Variants in SYNJ2 observed in about 807,000 individuals in gnomAD.
SYNJ2 encodes synaptojanin 2.
SYNJ2 carries 116 observed loss-of-function variants against 141.3 expected under a neutral mutation model. The observed-to-expected ratio is 0.82, with a 90% CI of 0.71 to 0.96. The LOEUF (loss-of-function observed/expected upper bound fraction) is 0.96. Ranked by LOEUF, SYNJ2 falls within the 40% of genes least tolerant of loss-of-function variation. The pLI is 0.00. For synonymous variants in SYNJ2, 745 were observed against 777.7 expected (o/e 0.96, Z 0.70); for missense variants, 1,873 against 1,934.8 (o/e 0.97, Z 0.60).
chr6:158,077,971 T>C (rs3818457), intron 17 of SYNJ2, 193 bp from the exon 18 acceptor site: 258,950 of 501,368 alleles, frequency 0.52, 68,695 homozygotes, highest in African/African-American at 0.69. Flanking sequence ...TGAATAATTA[T>C]ATGCGAGGAA....
chr6:157,995,024 G>A (rs1169232560), intron 1 of SYNJ2, among the ~76,000 whole-genome samples: 2 of 152,172 alleles, frequency 1.3e-5, no homozygotes, highest in Non-Finnish European at 2.9e-5. Context: ...GCCCCAGACT[G>A]CCCATCCTGC....
At chr6:158,063,990 C>CCCCATAGTCAGAAGGT in intron 9 of SYNJ2, 118 bp downstream of exon 9, 5 of 1,039,820 alleles carry the variant, frequency 4.8e-6, no homozygotes, top group South Asian at 1.4e-5. Flanking sequence ...AGACAACCTT[C>CCCCATAGTCAGAAGGT]TGACTATGGG....
intron 5 of SYNJ2, among the ~76,000 whole-genome samples, chr6:158,051,233 C>T (rs942880828): frequency 3.3e-5 from 5 of 152,270 alleles, no homozygotes; most frequent in Middle Eastern, 3.4e-3. Context: ...ATCCTATAAA[C>T]AGCTGCTGCT....
At chr6:158,029,885 G>C (rs1779273297) in intron 3 of SYNJ2, among the ~76,000 whole-genome samples, 1 of 152,126 alleles carries the variant, frequency 6.6e-6, no homozygotes, top group African/African-American at 2.4e-5. Flanking sequence ...GAATAGTCGA[G>C]GGAATTTTGC....
chr6:158,039,057 G>A (rs987201043), intron 4 of SYNJ2, among the ~76,000 whole-genome samples: 1 of 152,238 alleles, frequency 6.6e-6, no homozygotes, highest in African/African-American at 2.4e-5. Flanking sequence ...GAGGCAGCAG[G>A]AGCAGAGATG....
At position 158,064,962 on chromosome 6, in the gene SYNJ2, G is replaced by T. The variant is rs1373584681; in HGVS notation, c.1496G>T (p.Gly499Val). 2 of 1,606,722 alleles carry T rather than the reference G, an allele frequency of 1.2e-6. No individual in the cohort carries two copies. The highest frequency in any genetic ancestry group is 2.2e-5 in the South Asian group (2 of 90,074). The part of the protein sequence containing the change: ...VYGEEVADKG[G>V]MLLDSTALLV... ...GGCGAGGAGGTGGCAGACAAAGGGGGCATGCTGCTGGACAGCACGGCGCTC... is the reference window on the plus strand; with the variant it reads ...GGCGAGGAGGTGGCAGACAAAGGGGTCATGCTGCTGGACAGCACGGCGCTC... Residue 499 changes from glycine to valine, a missense_variant, in exon 11 of 27, where the codon GGC (glycine) becomes GTC (valine). Transcript: ENST00000355585.
chr6:158,071,678 C>G lies in SYNJ2; in HGVS notation c.2017C>G (p.Gln673Glu). The change falls in exon 15 of 27, where the codon CAG (glutamine) becomes GAG (glutamate). Residue 673 changes from glutamine to glutamate, a missense_variant. Gln to Glu is a conservative substitution (Grantham distance 29). Transcript: ENST00000355585. The surrounding 1 kb of genome is among the most constrained non-coding windows in gnomAD (Gnocchi z 4.3). The part of the protein sequence containing the change: ...GNKGAVGIRF[Q>E]FHSTSFCFIC... ...CAAGGGCGCCGTCGGCATCCGCTTC[C>G]AGTTCCACAGCACCAGCTTCTGCTT... is the stretch of plus-strand genomic sequence containing the variant. 1 of 1,614,148 alleles carries G rather than the reference C, an allele frequency of 6.2e-7. No individual in the cohort carries two copies. The highest frequency in any genetic ancestry group is 8.5e-7 in the Non-Finnish European group (1 of 1,180,040).
In SYNJ2 at chr6:158,017,775, C is replaced by T. The variant is rs774662710; in HGVS notation, c.214+485C>T. The T allele has an allele frequency of 7.5e-6, 4 of 532,510 alleles. 1 individual carries two copies. Among genetic ancestry groups the T allele is most frequent in the South Asian group, 4.2e-5 (3 of 71,404 alleles). The allele number at this position is 532,510 out of a possible 1,614,324, so 33.0% of individuals were successfully genotyped here. On this transcript the variant is annotated intron_variant, in intron 2 of 26. Coordinates refer to ENST00000355585, the MANE Select transcript of SYNJ2 (RefSeq NM_003898.4). ...TCGGGACCTGCTCCTCCTGCAGGAA[C>T]CTGCAGGTGGGGAGGTCAAGGTGAG...
intron 3 of SYNJ2, among the ~76,000 whole-genome samples, chr6:158,033,129 T>C (rs1438850133): frequency 1.3e-5 from 2 of 152,212 alleles, no homozygotes; most frequent in Admixed American, 1.3e-4. Flanking sequence ...CCCTTTGCGA[T>C]TCCCCGAAAA....
intron 5 of SYNJ2, among the ~76,000 whole-genome samples, chr6:158,044,635 C>T (rs1471726318): frequency 1.3e-5 from 2 of 152,180 alleles, no homozygotes; most frequent in Non-Finnish European, 2.9e-5. Context: ...CTTACACACC[C>T]ATTTAAAGCC....
intron 24 of SYNJ2, 65 bp from the exon 25 acceptor site, chr6:158,089,774 T>A (rs1783312896): frequency 1.6e-6 from 2 of 1,237,084 alleles, no homozygotes. Context: ...GGGTAGCAGA[T>A]ACGTCCCACG....
intron 9 of SYNJ2, 115 bp downstream of exon 9, chr6:158,063,987 C>A: frequency 9.3e-7 from 1 of 1,070,722 alleles, no homozygotes. Context: ...CCAAGACAAC[C>A]TTCTGACTAT....
chr6:158,028,666 G>T (rs139063962), intron 2 of SYNJ2, 90 bp from the exon 3 acceptor site: 1 of 1,534,068 alleles, frequency 6.5e-7, no homozygotes, highest in African/African-American at 1.4e-5. Flanking sequence ...TCCTGGCTGC[G>T]GTTGAACCTG....
At chr6:157,988,838 A>G (rs1240288395) in intron 1 of SYNJ2, among the ~76,000 whole-genome samples, 1 of 152,058 alleles carries the variant, frequency 6.6e-6, no homozygotes, top group African/African-American at 2.4e-5. Flanking sequence ...ATGACACTTA[A>G]AGCCCCCAGA....
chr6:158,061,350 AG>A (rs1781205944), intron 7 of SYNJ2, among the ~76,000 whole-genome samples: 1 of 152,210 alleles, frequency 6.6e-6, no homozygotes, highest in Non-Finnish European at 1.5e-5. Context: ...CTGCCAGGCC[AG>A]GGAAGCCTCA....
At chr6:158,082,802 C>T (rs1368336609) in intron 20 of SYNJ2, among the ~76,000 whole-genome samples, 3 of 152,246 alleles carry the variant, frequency 2.0e-5, no homozygotes, top group Non-Finnish European at 4.4e-5. Context: ...TATGCTCGCA[C>T]TGCCATGTGG....
chr6:158,009,889 G>A (rs193163724), intron 1 of SYNJ2, among the ~76,000 whole-genome samples: 4 of 152,320 alleles, frequency 2.6e-5, no homozygotes, highest in Non-Finnish European at 5.9e-5. Flanking sequence ...CCAGCTAATG[G>A]CAGGTGTGTG....
intron 1 of SYNJ2, among the ~76,000 whole-genome samples, chr6:158,011,099 T>C (rs528925369): frequency 4.7e-5 from 7 of 150,428 alleles, no homozygotes; most frequent in African/African-American, 1.7e-4. Flanking sequence ...CACATGACAA[T>C]TGGGGGACAC....
chr6:158,071,806 C>T lies in SYNJ2; in HGVS notation c.2133+12C>T, dbSNP rs761761865. On this transcript the variant is annotated intron_variant, in intron 15 of 26. Transcript: ENST00000355585. The surrounding 1 kb of genome is among the most constrained non-coding windows in gnomAD (Gnocchi z 4.3). The stretch of plus-strand genomic sequence containing the variant: ...TCTGCTTCCCAATGGTGAGCGGCGC[C>T]GTGGGGACAGCCAGCACCTCCCTGC... 9 of 1,610,812 alleles carry T rather than the reference C, an allele frequency of 5.6e-6. No individual in the cohort carries two copies. Among genetic ancestry groups the T allele is most frequent in the East Asian group, 2.2e-5 (1 of 44,864 alleles).
Sources: allele counts gnomAD v4.1 joint callset (sites outside exome capture counted in the v4.1 genomes callset), GRCh38; gene constraint gnomAD v4.1.1; non-coding constraint Gnocchi (gnomAD v3.1); transcripts MANE v1.5; gene names NCBI Gene and HGNC (gene_info 2026-07-23, HGNC 2026-07-21).